Variants in PABPC4L observed in about 807,000 individuals in gnomAD.
PABPC4L encodes the protein polyadenylate-binding protein 4-like.
For synonymous variants in PABPC4L, 169 were observed against 164.1 expected, an observed-to-expected ratio of 1.03 and a Z score of -0.23; for missense variants, 452 against 451.4, an observed-to-expected ratio of 1.00 and a Z score of -0.01.
At chr4:134,087,679 T>C in the PABPC4L span, among the ~76,000 whole-genome samples, 11 of 152,126 alleles carry the variant, frequency 7.2e-5, no homozygotes, top group Admixed American at 6.6e-4. Context: ...CCTCTATATG[T>C]GAAGTCCTTA....
chr4:134,177,407 C>A, the PABPC4L span, among the ~76,000 whole-genome samples: 3,893 of 152,070 alleles, frequency 0.026, 140 homozygotes, highest in African/African-American at 0.087. Flanking sequence ...ATCTCTTGAA[C>A]TTGCGATCCG....
At chr4:134,170,525 G>C in the PABPC4L span, among the ~76,000 whole-genome samples, 1 of 152,052 alleles carries the variant, frequency 6.6e-6, no homozygotes, top group East Asian at 1.9e-4. Context: ...CTCAGGTTCT[G>C]GTGTGATCTC....
the PABPC4L span, among the ~76,000 whole-genome samples, chr4:134,077,103 G>T: frequency 6.6e-6 from 1 of 152,004 alleles, no homozygotes; most frequent in African/African-American, 2.4e-5. Flanking sequence ...ATCTTCTATT[G>T]TGCTTAAATT....
At chr4:134,066,851 G>T in the PABPC4L span, among the ~76,000 whole-genome samples, 1 of 152,016 alleles carries the variant, frequency 6.6e-6, no homozygotes, top group Non-Finnish European at 1.5e-5. Context: ...TTATTGATTT[G>T]CATATGTTAA....
chr4:133,963,497 G>C, the PABPC4L span, among the ~76,000 whole-genome samples: 4 of 151,970 alleles, frequency 2.6e-5, no homozygotes, highest in Non-Finnish European at 5.9e-5. Flanking sequence ...ATGGACTTAA[G>C]AGATATATAC....
chr4:134,015,547 C>G, the PABPC4L span, among the ~76,000 whole-genome samples: 1 of 152,134 alleles, frequency 6.6e-6, no homozygotes, highest in East Asian at 1.9e-4. Flanking sequence ...TCACAGACAG[C>G]CCCCATTACT....
the PABPC4L span, among the ~76,000 whole-genome samples, chr4:134,021,284 TG>T: frequency 6.6e-6 from 1 of 152,096 alleles, no homozygotes; most frequent in Non-Finnish European, 1.5e-5. Context: ...AAAGAGCAAC[TG>T]GGGGCTCATT....
At chr4:134,170,209 T>C in the PABPC4L span, among the ~76,000 whole-genome samples, 1 of 152,156 alleles carries the variant, frequency 6.6e-6, no homozygotes, top group Non-Finnish European at 1.5e-5. Context: ...TGCAGCTCCC[T>C]CTATACTGCT....
the PABPC4L span, among the ~76,000 whole-genome samples, chr4:134,142,401 G>A: frequency 1.3e-5 from 2 of 151,554 alleles, no homozygotes; most frequent in African/African-American, 2.4e-5. Flanking sequence ...TTATAAATCC[G>A]TGGGAACTCT....
chr4:134,131,714 C>CAAAAAAAA, the PABPC4L span, among the ~76,000 whole-genome samples: 13 of 10,674 alleles, frequency 1.2e-3, 1 homozygote, highest in Non-Finnish European at 1.4e-3. Flanking sequence ...CCTGTGAAAC[C>CAAAAAAAA]AAAAAAAAAA....
At chr4:134,008,449 A>T in the PABPC4L span, among the ~76,000 whole-genome samples, 3 of 151,740 alleles carry the variant, frequency 2.0e-5, no homozygotes, top group Non-Finnish European at 4.4e-5. Context: ...GTGAGCCTAT[A>T]AGAAAGTATT....
At chr4:134,144,785 A>G in the PABPC4L span, among the ~76,000 whole-genome samples, 2 of 151,742 alleles carry the variant, frequency 1.3e-5, no homozygotes, top group Admixed American at 1.3e-4. Flanking sequence ...CAATTCAGTT[A>G]CGTTAAAATT....
the PABPC4L span, among the ~76,000 whole-genome samples, chr4:134,113,063 T>G: frequency 2.6e-5 from 4 of 151,806 alleles, no homozygotes; most frequent in African/African-American, 4.8e-5. Flanking sequence ...GGAAAAAAAT[T>G]TATAGAATAA....
At chr4:134,055,311 G>T in the PABPC4L span, among the ~76,000 whole-genome samples, 1 of 151,918 alleles carries the variant, frequency 6.6e-6, no homozygotes, top group African/African-American at 2.4e-5. Context: ...AGGTCTTAAG[G>T]GTGAGGCCTT....
the PABPC4L span, among the ~76,000 whole-genome samples, chr4:134,002,853 G>A: frequency 6.6e-6 from 1 of 151,878 alleles, no homozygotes; most frequent in African/African-American, 2.4e-5. Flanking sequence ...TTAAACTAAT[G>A]ATTTTTCTCC....
chr4:134,169,274 C>G, the PABPC4L span, among the ~76,000 whole-genome samples: 19 of 152,014 alleles, frequency 1.2e-4, no homozygotes, highest in Non-Finnish European at 1.5e-5. Flanking sequence ...AAACTCTCAA[C>G]AAACTGGGTG....
chr4:134,021,529 T>A, the PABPC4L span, among the ~76,000 whole-genome samples: 1 of 152,114 alleles, frequency 6.6e-6, no homozygotes, highest in African/African-American at 2.4e-5. Context: ...TGAGAGGAGC[T>A]CCAATCAGTT....
At chr4:133,955,409 AATTG>A in the PABPC4L span, among the ~76,000 whole-genome samples, 3 of 152,148 alleles carry the variant, frequency 2.0e-5, no homozygotes, top group South Asian at 6.2e-4. Flanking sequence ...TTAAATAGTT[AATTG>A]ATTGGTTTAG....
chr4:133,999,103 C>T, the PABPC4L span, among the ~76,000 whole-genome samples: 1 of 151,962 alleles, frequency 6.6e-6, no homozygotes, highest in African/African-American at 2.4e-5. Flanking sequence ...GATCATGCCC[C>T]TTTGTCCAAT....
Sources: gnomAD v4.1 joint callset for allele counts (sites outside exome capture counted in the v4.1 genomes callset) on GRCh38, gnomAD v4.1.1 for gene constraint, MANE v1.5 for transcripts, NCBI Gene and HGNC (gene_info 2026-07-23, HGNC 2026-07-21) for gene names.